RALGPS1: variants seen among roughly 807,000 people sequenced by gnomAD.
RALGPS1 encodes ras-specific guanine nucleotide-releasing factor RalGPS1.
A neutral mutation model predicts 78.8 loss-of-function variants in RALGPS1; 19 were observed. That is an observed-to-expected ratio of 0.24 (90% CI 0.17 to 0.35). The LOEUF is 0.35. Ranked by LOEUF, RALGPS1 falls within the 10% of genes least tolerant of loss-of-function variation. RALGPS1 has a pLI of 1.00. For missense variants in RALGPS1, 454 were observed against 688.3 expected (o/e 0.66, Z 3.81); for synonymous variants, 228 against 256.3 (o/e 0.89, Z 1.06).
At chr9:127,161,729 C>T (rs1421037320) in intron 8 of RALGPS1, among the ~76,000 whole-genome samples, 1 of 152,206 alleles carries the variant, frequency 6.6e-6, no homozygotes, top group African/African-American at 2.4e-5. Context: ...TTCACCTATG[C>T]CCCTATCTTG....
At chr9:127,038,140 C>T (rs1404968455) in intron 5 of RALGPS1, among the ~76,000 whole-genome samples, 1 of 152,230 alleles carries the variant, frequency 6.6e-6, no homozygotes, top group Non-Finnish European at 1.5e-5. Flanking sequence ...CTCCCATGCT[C>T]ATGAGCCTAG....
intron 11 of RALGPS1, chr9:127,178,288 A>G (rs998900020): frequency 4.9e-5 from 17 of 349,550 alleles, no homozygotes; most frequent in South Asian, 4.7e-4. Context: ...GATGCATCTC[A>G]GGGGTCAGCC....
chr9:126,917,597 G>A (rs1380693987), intron 1 of RALGPS1, among the ~76,000 whole-genome samples: 1 of 152,132 alleles, frequency 6.6e-6, no homozygotes, highest in Admixed American at 6.6e-5. Flanking sequence ...TTCTTTATTT[G>A]TAAAGCAAGG....
intron 7 of RALGPS1, among the ~76,000 whole-genome samples, chr9:127,059,595 A>G (rs910366478): frequency 4.6e-5 from 7 of 152,044 alleles, no homozygotes; most frequent in Admixed American, 4.6e-4. Flanking sequence ...TCCCTGATCC[A>G]TTTGCTATCC....
chr9:126,980,185 T>C (rs1364938550), intron 4 of RALGPS1, among the ~76,000 whole-genome samples: 2 of 152,110 alleles, frequency 1.3e-5, no homozygotes, highest in Admixed American at 1.3e-4. Context: ...AAACTGAAAA[T>C]TTTCCTCTTG....
At chr9:126,943,707 C>T (rs2036986213) in intron 1 of RALGPS1, among the ~76,000 whole-genome samples, 1 of 152,286 alleles carries the variant, frequency 6.6e-6, no homozygotes, top group South Asian at 2.1e-4. Context: ...CTCCTGAAGT[C>T]TTTCTCCTAC....
chr9:126,972,927 T>C (rs1227644612), intron 3 of RALGPS1, among the ~76,000 whole-genome samples: 2 of 152,120 alleles, frequency 1.3e-5, no homozygotes, highest in African/African-American at 2.4e-5. Flanking sequence ...CCAGGCATGG[T>C]GGCGCACACG....
In RALGPS1 at chr9:126,995,263, A is replaced by C. The variant is rs552315517; in HGVS notation, c.216+17518A>C. On this transcript the variant is annotated intron_variant, in intron 4 of 18. Coordinates refer to ENST00000259351, the MANE Select transcript of RALGPS1 (RefSeq NM_014636.3). ...ATTGGATAAAGAGTCAAGACCCATCAGTGTGCTGTATTCAGGAAACCCATC... is the reference window on the plus strand; with the variant it reads ...ATTGGATAAAGAGTCAAGACCCATCCGTGTGCTGTATTCAGGAAACCCATC... 4.5e-3 allele frequency among the ~76,000 whole-genome samples: 688 copies of C among 152,306 alleles called. 1 individual carries two copies. The highest frequency in any genetic ancestry group is 7.2e-3 in the Non-Finnish European group (487 of 68,034).
chr9:127,131,166 C>T (rs963558751), intron 8 of RALGPS1, among the ~76,000 whole-genome samples: 3 of 152,158 alleles, frequency 2.0e-5, no homozygotes, highest in Non-Finnish European at 2.9e-5. Context: ...CCCAGGCAGC[C>T]GTGTTTGTTG....
chr9:127,057,999 A>G (rs921485569), intron 7 of RALGPS1, among the ~76,000 whole-genome samples: 1 of 152,242 alleles, frequency 6.6e-6, no homozygotes, highest in African/African-American at 2.4e-5. Flanking sequence ...CCCTAGTGTC[A>G]TGCTAAAGTA....
At chr9:127,150,408 C>G (rs915056543) in intron 8 of RALGPS1, among the ~76,000 whole-genome samples, 1 of 152,214 alleles carries the variant, frequency 6.6e-6, no homozygotes, top group East Asian at 1.9e-4. Flanking sequence ...GAATAGAACA[C>G]TTCAAATTAC....
At chr9:127,021,302 G>A (rs1166429927) in intron 4 of RALGPS1, among the ~76,000 whole-genome samples, 1 of 152,074 alleles carries the variant, frequency 6.6e-6, no homozygotes, top group Non-Finnish European at 1.5e-5. Flanking sequence ...AAGAGTTTGA[G>A]ACCAGCCTGG....
At chr9:127,028,898 C>T (rs900867182) in intron 4 of RALGPS1, among the ~76,000 whole-genome samples, 17 of 152,240 alleles carry the variant, frequency 1.1e-4, no homozygotes, top group African/African-American at 4.1e-4. Flanking sequence ...CTAACTACTA[C>T]ATGCTGTGGC....
intron 8 of RALGPS1, among the ~76,000 whole-genome samples, chr9:127,085,114 G>T (rs1040616553): frequency 3.9e-5 from 6 of 152,272 alleles, no homozygotes; most frequent in South Asian, 4.1e-4. Context: ...CGGGGAGGGG[G>T]TCTTTTTCAG....
In RALGPS1 at chr9:127,159,656, C is replaced by G. The variant is rs375980916; in HGVS notation, c.611-6413C>G. Among the ~76,000 whole-genome samples the G allele has an allele frequency of 3.3e-5, 5 of 152,176 alleles. No individual in the cohort carries two copies. In the East Asian group the frequency reaches 7.7e-4, roughly 23 times the overall value. ...GTGCTAGTTAATACTCACAGTCTTC[C>G]CCATCTTCTCAGGGAGCCTGGGCCG... is the stretch of plus-strand genomic sequence containing the variant. On this transcript the variant is annotated intron_variant, in intron 8 of 18. Transcript: ENST00000259351.
chr9:127,087,100 G>C (rs895196148), intron 8 of RALGPS1, among the ~76,000 whole-genome samples: 1 of 152,194 alleles, frequency 6.6e-6, no homozygotes, highest in Non-Finnish European at 1.5e-5. Flanking sequence ...AGGATATCTG[G>C]TGGAGACATC....
rs1437688396 is a variant in RALGPS1, at chr9:127,221,689, T to C, written c.*2920T>C. ...TGAGGAAGTAGATACTTGAAGAGAT[T>C]CTGTTTAGGAAGAAACTCACTCTCT... On this transcript the variant is annotated 3_prime_UTR_variant, in exon 19 of 19. Transcript: ENST00000259351. 1 of 152,208 alleles carries C rather than the reference T, an allele frequency of 6.6e-6. No homozygotes were observed. The highest frequency in any genetic ancestry group is 1.5e-5 in the Non-Finnish European group (1 of 68,042). The allele number at this position is 152,208 out of a possible 1,614,324, so 9.4% of individuals were successfully genotyped here.
Position 127,018,495 on chromosome 9 carries a change from G to A in RALGPS1, c.217-15936G>A, listed in dbSNP as rs1023880454. Among the ~76,000 whole-genome samples, 7 of 151,840 alleles carry A rather than the reference G, an allele frequency of 4.6e-5. No individual in the cohort carries two copies. In the East Asian group the frequency reaches 9.7e-4, roughly 21 times the overall value. ...CTAAAAATGCAAAAATTAGCTGAGC[G>A]TGGTGGCGCGTACCTGGAGTCCCAG... On this transcript the variant is annotated intron_variant, in intron 4 of 18. Coordinates refer to ENST00000259351, the MANE Select transcript of RALGPS1 (RefSeq NM_014636.3).
At chr9:127,021,514 G>A (rs144768998) in intron 4 of RALGPS1, among the ~76,000 whole-genome samples, 405 of 149,304 alleles carry the variant, frequency 2.7e-3, no homozygotes, top group African/African-American at 9.3e-3. Flanking sequence ...AAAAAAAAAG[G>A]CATTCAGATT....
Sources: gnomAD v4.1 joint callset for allele counts (sites outside exome capture counted in the v4.1 genomes callset) on GRCh38, gnomAD v4.1.1 for gene constraint, MANE v1.5 for transcripts, NCBI Gene and HGNC (gene_info 2026-07-23, HGNC 2026-07-21) for gene names.